Variants in RNF180 observed in about 807,000 individuals in gnomAD.
The protein encoded by RNF180 is ring finger protein 180.
In RNF180, 38 loss-of-function variants were observed where a neutral mutation model predicts 59.2. The observed-to-expected ratio is 0.64, with a 90% CI of 0.50 to 0.84. The LOEUF is 0.84. Among genes scored for constraint, RNF180 ranks in the 40% least tolerant of loss-of-function variants. The probability of loss-of-function intolerance (pLI) is 0.00; values close to 1 mark genes in which losing one functional copy is unlikely to be tolerated. For missense variants in RNF180, 705 were observed against 700.9 expected (o/e 1.01, Z -0.07); for synonymous variants, 262 against 240.3 (o/e 1.09, Z -0.84).
At chr5:64,204,814 TTCTC>T (rs1300160025) in intron 2 of RNF180, among the ~76,000 whole-genome samples, 1 of 152,180 alleles carries the variant, frequency 6.6e-6, no homozygotes, top group South Asian at 2.1e-4. Flanking sequence ...AGAAACAGGT[TTCTC>T]ATTTACCCTC....
intron 5 of RNF180, among the ~76,000 whole-genome samples, chr5:64,233,861 C>T (rs1413815084): frequency 6.6e-6 from 1 of 152,222 alleles, no homozygotes; most frequent in East Asian, 1.9e-4. Context: ...CCTGGTTCTT[C>T]TTCACTGCCA....
intron 7 of RNF180, among the ~76,000 whole-genome samples, chr5:64,357,547 C>T (rs1406518131): frequency 6.6e-6 from 1 of 151,806 alleles, no homozygotes; most frequent in Admixed American, 6.6e-5. Flanking sequence ...ATTTGAAAGG[C>T]TTGATTTAGG....
chr5:64,179,051 C>A (rs1166379188), intron 1 of RNF180, among the ~76,000 whole-genome samples: 1 of 152,090 alleles, frequency 6.6e-6, no homozygotes, highest in Admixed American at 6.6e-5. Context: ...TCCCCACTCC[C>A]CAATATATAT....
chr5:64,211,590 T>G (rs894392676), intron 2 of RNF180, among the ~76,000 whole-genome samples: 8 of 152,128 alleles, frequency 5.3e-5, no homozygotes, highest in Non-Finnish European at 1.2e-4. Flanking sequence ...AGGCCTGTTT[T>G]GGGGTAGTGT....
chr5:64,184,899 G>C (rs757014207), intron 1 of RNF180, among the ~76,000 whole-genome samples: 2 of 152,152 alleles, frequency 1.3e-5, no homozygotes, highest in Non-Finnish European at 2.9e-5. Flanking sequence ...CTCTGTCCAT[G>C]CTCACAACCT....
intron 7 of RNF180, among the ~76,000 whole-genome samples, chr5:64,365,041 G>A (rs538932040): frequency 6.7e-4 from 100 of 149,958 alleles, no homozygotes; most frequent in Non-Finnish European, 1.2e-3. Context: ...TCTTTTGAAT[G>A]CTTTTTGTGT....
At chr5:64,197,707 G>GA (rs1457107023) in intron 1 of RNF180, among the ~76,000 whole-genome samples, 1 of 152,136 alleles carries the variant, frequency 6.6e-6, no homozygotes, top group African/African-American at 2.4e-5. Context: ...TGATCTTGAG[G>GA]AAAAACCCAT....
At chr5:64,172,949 C>T (rs1750020653) in intron 1 of RNF180, among the ~76,000 whole-genome samples, 1 of 152,172 alleles carries the variant, frequency 6.6e-6, no homozygotes, top group Non-Finnish European at 1.5e-5. Flanking sequence ...GTTTAGAATT[C>T]AGGGGACCTG....
intron 5 of RNF180, among the ~76,000 whole-genome samples, chr5:64,227,856 C>T (rs75902658): frequency 0.023 from 3,560 of 152,206 alleles, 127 homozygotes; most frequent in African/African-American, 0.075. Flanking sequence ...GTTTTATTTA[C>T]CATGTCAACC....
intron 5 of RNF180, among the ~76,000 whole-genome samples, chr5:64,310,493 G>T (rs1006537745): frequency 2.1e-5 from 3 of 143,600 alleles, no homozygotes; most frequent in African/African-American, 2.6e-5. Context: ...TTAGGTTTTT[G>T]TTATGACTGC....
chr5:64,360,751 G>A lies in RNF180; in HGVS notation c.1580-8864G>A, dbSNP rs74778555. Among the ~76,000 whole-genome samples the A allele has an allele frequency of 2.7e-3, 405 of 151,742 alleles. 1 individual carries two copies. The highest frequency in any genetic ancestry group is 3.6e-3 in the Non-Finnish European group (245 of 67,798). ...GCCACTGTCATAGATGGTGGCAGAA[G>A]ACACAAGACTTATGTGTTAGAGACA... is the stretch of plus-strand genomic sequence containing the variant. On this transcript the variant is annotated intron_variant, in intron 7 of 7. Coordinates refer to ENST00000389100, the MANE Select transcript of RNF180 (RefSeq NM_001113561.2).
intron 1 of RNF180, among the ~76,000 whole-genome samples, chr5:64,192,900 C>CATGTGT (rs1561178772): frequency 3.3e-4 from 11 of 32,848 alleles, no homozygotes; most frequent in African/African-American, 1.2e-3. Flanking sequence ...GAAAGTGTGG[C>CATGTGT]ATGTATATAT....
At chr5:64,184,933 G>T (rs1040106373) in intron 1 of RNF180, among the ~76,000 whole-genome samples, 2 of 152,088 alleles carry the variant, frequency 1.3e-5, no homozygotes, top group African/African-American at 4.8e-5. Flanking sequence ...TATTTTCATG[G>T]CTTTAGAGAA....
intron 6 of RNF180, among the ~76,000 whole-genome samples, chr5:64,325,634 A>G (rs1265827864): frequency 6.6e-6 from 1 of 152,178 alleles, no homozygotes; most frequent in East Asian, 1.9e-4. Flanking sequence ...CCTTTCTAAA[A>G]CACTGTAACT....
intron 7 of RNF180, among the ~76,000 whole-genome samples, chr5:64,363,580 G>A (rs1278423524): frequency 2.6e-5 from 4 of 151,658 alleles, no homozygotes; most frequent in Non-Finnish European, 5.9e-5. Context: ...GCTCTTTTTT[G>A]GTTCCATATG....
chr5:64,343,367 CTA>C (rs1405985115), intron 7 of RNF180, among the ~76,000 whole-genome samples: 6 of 152,132 alleles, frequency 3.9e-5, no homozygotes, highest in East Asian at 1.9e-4. Context: ...TAACAGCAGA[CTA>C]TGTGGGATAT....
At chr5:64,330,548 T>A (rs1250001542) in intron 7 of RNF180, 142 bp downstream of exon 7, 5 of 813,674 alleles carry the variant, frequency 6.1e-6, no homozygotes, top group African/African-American at 1.7e-5. Context: ...TTGCTAAGTA[T>A]CTCCTTGCTG....
At chr5:64,256,395 A>C (rs1033191613) in intron 5 of RNF180, among the ~76,000 whole-genome samples, 27 of 151,988 alleles carry the variant, frequency 1.8e-4, no homozygotes, top group African/African-American at 6.5e-4. Context: ...TAAGGAAGGG[A>C]ATCCAGTTTC....
intron 5 of RNF180, among the ~76,000 whole-genome samples, chr5:64,255,559 A>G (rs1227191111): frequency 1.3e-5 from 2 of 152,192 alleles, no homozygotes; most frequent in African/African-American, 4.8e-5. Context: ...ATAGTATTCC[A>G]TGGTGTATAT....
Sources: allele counts gnomAD v4.1 joint callset (sites outside exome capture counted in the v4.1 genomes callset), GRCh38; gene constraint gnomAD v4.1.1; transcripts MANE v1.5; gene names NCBI Gene and HGNC (gene_info 2026-07-23, HGNC 2026-07-21).